TMIGD2: variants seen among roughly 807,000 people sequenced by gnomAD.
TMIGD2 encodes the protein transmembrane and immunoglobulin domain containing 2.
Under a neutral mutation model 22.6 loss-of-function variants are expected in TMIGD2, and 18 were observed. The observed-to-expected ratio is 0.80, with a 90% CI of 0.55 to 1.18. TMIGD2 has a LOEUF of 1.18. TMIGD2 is among the 50% of genes most tolerant of loss of function. The probability of loss-of-function intolerance (pLI) is 0.00; values close to 1 mark genes in which losing one functional copy is unlikely to be tolerated. For missense variants in TMIGD2, 361 were observed against 378.2 expected, an observed-to-expected ratio of 0.95 and a Z score of 0.38; for synonymous variants, 184 against 154.1, an observed-to-expected ratio of 1.19 and a Z score of -1.44.
intron 1 of TMIGD2, among the ~76,000 whole-genome samples, chr19:4,299,023 G>C (rs115298391): frequency 3.3e-5 from 5 of 152,310 alleles, no homozygotes; most frequent in African/African-American, 4.8e-5. Flanking sequence ...ACAGGAAGTC[G>C]TGAAATGAGA....
At chr19:4,294,940 A>C in intron 2 of TMIGD2, 124 bp from the exon 3 acceptor site, 1 of 944,878 alleles carries the variant, frequency 1.1e-6, no homozygotes, top group Non-Finnish European at 1.5e-6. Flanking sequence ...GCAAGTGTTC[A>C]CTCTGAACCT....
exon 5 of TMIGD2, chr19:4,292,467 C>A: frequency 1.1e-6 from 1 of 946,150 alleles, no homozygotes; most frequent in Admixed American, 1.8e-5. Context: ...AAACCCCTGA[C>A]CTCAAGTGTT....
exon 2 of TMIGD2, chr19:4,298,020 A>G: frequency 9.3e-6 from 15 of 1,609,836 alleles, no homozygotes; most frequent in Non-Finnish European, 1.3e-5. Context: ...TGTTGCCCTC[A>G]GCCTCCTCCA....
chr19:4,301,534 G>A (rs1035027705), intron 1 of TMIGD2, among the ~76,000 whole-genome samples: 1 of 152,238 alleles, frequency 6.6e-6, no homozygotes, highest in Non-Finnish European at 1.5e-5. Flanking sequence ...GCCAGGCGCA[G>A]TGGCGCGCGC....
At chr19:4,301,495 C>T (rs975831052) in intron 1 of TMIGD2, among the ~76,000 whole-genome samples, 9 of 152,124 alleles carry the variant, frequency 5.9e-5, no homozygotes, top group African/African-American at 2.2e-4. Context: ...GGCGAAACCC[C>T]GTCTCTACTA....
intron 2 of TMIGD2, among the ~76,000 whole-genome samples, chr19:4,295,828 G>C (rs1160143592): frequency 6.6e-6 from 1 of 152,158 alleles, no homozygotes; most frequent in Admixed American, 6.6e-5. Flanking sequence ...TTTGGACAAA[G>C]CCCTGTCTCA....
At chr19:4,294,539 C>T (rs2144731194) in intron 4 of TMIGD2, 40 bp downstream of exon 4, 1 of 1,598,170 alleles carries the variant, frequency 6.3e-7, no homozygotes, top group East Asian at 2.2e-5. Flanking sequence ...GCTGCAGTTC[C>T]CACCTCCTCC....
intron 1 of TMIGD2, among the ~76,000 whole-genome samples, 185 bp downstream of exon 1, chr19:4,302,155 C>T (rs962508070): frequency 3.3e-5 from 5 of 151,828 alleles, no homozygotes. Flanking sequence ...AGATTGTATC[C>T]TAGGGGCCCT....
chr19:4,292,903 G>T lies in TMIGD2; in HGVS notation c.563-18C>A. ...TGCATTTCCTAGGATGGATGACACA[G>T]ACCAAGAGGATCACTTAAGAGAGTC... is the stretch of plus-strand genomic sequence containing the variant. On this transcript the variant is annotated intron_variant, in intron 4 of 4. Transcript: ENST00000301272. 5.6e-6 allele frequency: 9 copies of T among 1,612,640 alleles called. No homozygotes were observed. Among genetic ancestry groups the T allele is most frequent in the Non-Finnish European group, 7.6e-6 (9 of 1,179,766 alleles).
Position 4,294,608 on chromosome 19 carries a change from C to T in TMIGD2, c.521G>A (p.Gly174Asp). Residue 174 changes from glycine to aspartate, a missense_variant, in exon 4 of 5, where the codon GGC becomes GAC. Physicochemically the swap from Gly to Asp is moderately conservative, Grantham distance 94 (BLOSUM62 -1). Coordinates refer to ENST00000301272, the Ensembl canonical transcript of TMIGD2. The stretch of plus-strand genomic sequence containing the variant: ...GTCCCTTTGCTGGCAGCTGCGGCGG[C>T]CCCAGAACCAGGCACCCCACACGAT... 3 of 1,610,568 alleles carry T rather than the reference C, an allele frequency of 1.9e-6. 1 individual carries two copies. The South Asian group carries it at 3.3e-5, about 18-fold the overall frequency.
At chr19:4,298,280 T>C in exon 2 of TMIGD2, 10 of 1,609,414 alleles carry the variant, frequency 6.2e-6, no homozygotes, top group Admixed American at 1.7e-5. Flanking sequence ...GTCGCCTGAC[T>C]GCCCTGCCTC....
At chr19:4,298,213 G>A (rs1235513331) in exon 2 of TMIGD2, 4 of 1,613,124 alleles carry the variant, frequency 2.5e-6, no homozygotes, top group Non-Finnish European at 3.4e-6. Context: ...CCCATCCTTT[G>A]TCCACTTAAC....
At chr19:4,296,791 G>A (rs1420132677) in intron 2 of TMIGD2, among the ~76,000 whole-genome samples, 2 of 152,198 alleles carry the variant, frequency 1.3e-5, no homozygotes, top group African/African-American at 4.8e-5. Flanking sequence ...GCTTCATTCT[G>A]CCAGAGGGGG....
intron 4 of TMIGD2, 75 bp from the exon 5 acceptor site, chr19:4,292,960 G>A: frequency 6.5e-7 from 1 of 1,538,228 alleles, no homozygotes; most frequent in Non-Finnish European, 8.6e-7. Flanking sequence ...TGGGGGATCT[G>A]TCTCTTTTTT....
At chr19:4,292,543 C>G in exon 5 of TMIGD2, 1 of 1,540,456 alleles carries the variant, frequency 6.5e-7, no homozygotes, top group South Asian at 1.1e-5. Flanking sequence ...GGCCTCGATC[C>G]CCCCTTTTTT....
At chr19:4,300,333 C>T (rs547140135) in intron 1 of TMIGD2, among the ~76,000 whole-genome samples, 21 of 149,136 alleles carry the variant, frequency 1.4e-4, no homozygotes, top group Non-Finnish European at 2.2e-4. Context: ...CAGAGGCGGG[C>T]GGATCACGAG....
intron 1 of TMIGD2, among the ~76,000 whole-genome samples, chr19:4,300,912 TGTAA>T (rs1162870653): frequency 4.6e-5 from 7 of 152,274 alleles, no homozygotes; most frequent in African/African-American, 1.2e-4. Context: ...TATGTTTTAA[TGTAA>T]GTGTGATGGA....
intron 4 of TMIGD2, among the ~76,000 whole-genome samples, chr19:4,293,142 TTTAG>T (rs1254461103): frequency 6.6e-6 from 1 of 152,020 alleles, no homozygotes; most frequent in Non-Finnish European, 1.5e-5. Context: ...TTTTTGTATT[TTTAG>T]TAGAGACGGG....
chr19:4,300,384 C>T (rs920532829), intron 1 of TMIGD2, among the ~76,000 whole-genome samples: 1 of 151,856 alleles, frequency 6.6e-6, no homozygotes, highest in Admixed American at 6.6e-5. Context: ...TGGTGAAACC[C>T]CGTCTCTACT....
Sources: allele counts gnomAD v4.1 joint callset (sites outside exome capture counted in the v4.1 genomes callset), GRCh38; gene constraint gnomAD v4.1.1; transcripts MANE v1.5; gene names NCBI Gene and HGNC (gene_info 2026-07-23, HGNC 2026-07-21).